The following CECR2 variants were observed in gnomAD, a reference collection of about 807,000 sequenced individuals.
CECR2 encodes the protein CECR2 histone acetyl-lysine reader.
CECR2 carries 30 observed loss-of-function variants against 154.5 expected under a neutral mutation model. The observed-to-expected ratio is 0.19, with a 90% confidence interval of 0.15 to 0.26. The LOEUF (loss-of-function observed/expected upper bound fraction) is 0.26, where lower values mean the gene tolerates loss of function less well. CECR2 is among the 10% of genes least tolerant of loss of function. The pLI is 1.00. For missense variants in CECR2, 1,743 were observed against 1,829.3 expected (o/e 0.95, Z 0.86); for synonymous variants, 725 against 683.7 (o/e 1.06, Z -0.94).
At chr22:17,419,146 TC>T (rs1569070086) in intron 1 of CECR2, 2 of 153,778 alleles carry the variant, frequency 1.3e-5, no homozygotes. Context: ...CGCCCACGCA[TC>T]CCTGGTGGCG....
chr22:17,532,839 T>C (rs2056379722), intron 9 of CECR2, among the ~76,000 whole-genome samples: 1 of 144,920 alleles, frequency 6.9e-6, no homozygotes, highest in African/African-American at 2.5e-5. Flanking sequence ...TGCCTCAGCC[T>C]CCAAAGTAGC....
At chr22:17,477,703 T>C in intron 2 of CECR2, 21 bp downstream of exon 2, 1 of 1,545,162 alleles carries the variant, frequency 6.5e-7, no homozygotes, top group Non-Finnish European at 8.9e-7. Context: ...CTGATCTTTC[T>C]AAGCATTTCT....
intron 1 of CECR2, among the ~76,000 whole-genome samples, chr22:17,387,493 A>G (rs906897815): frequency 2.0e-5 from 3 of 152,168 alleles, no homozygotes; most frequent in African/African-American, 7.2e-5. Flanking sequence ...AGACCCAGCC[A>G]TAGAGGAATT....
intron 16 of CECR2, 100 bp downstream of exon 16, chr22:17,543,103 C>T (rs2056557171): frequency 3.0e-6 from 4 of 1,313,902 alleles, no homozygotes; most frequent in African/African-American, 3.0e-5. Context: ...CCCAGCCTCT[C>T]TTTCTTTGTT....
chr22:17,515,700 G>C (rs2056039663), intron 8 of CECR2, among the ~76,000 whole-genome samples: 1 of 150,116 alleles, frequency 6.7e-6, no homozygotes, highest in Admixed American at 6.6e-5. Flanking sequence ...TTTTGAGACG[G>C]AGTCTCGCTC....
chr22:17,397,580 C>G (rs1240214989), intron 1 of CECR2, among the ~76,000 whole-genome samples: 2 of 152,178 alleles, frequency 1.3e-5, no homozygotes, highest in Admixed American at 6.6e-5. Flanking sequence ...TCACTGCCAT[C>G]TCCGCCTCCC....
intron 1 of CECR2, among the ~76,000 whole-genome samples, chr22:17,370,541 A>G (rs5992033): frequency 0.016 from 2,500 of 152,116 alleles, 91 homozygotes; most frequent in African/African-American, 0.057. Context: ...TTATTCTTCC[A>G]CAGCGTCCTT....
At chr22:17,501,757 T>C (rs2146886097) in intron 5 of CECR2, among the ~76,000 whole-genome samples, 1 of 152,300 alleles carries the variant, frequency 6.6e-6, no homozygotes, top group South Asian at 2.1e-4. Flanking sequence ...CGTCCTTCGA[T>C]ATTCAGAAAG....
intron 1 of CECR2, among the ~76,000 whole-genome samples, chr22:17,466,598 C>CCTTTTTTTTTTTTTTTTTTTT (rs555359003): frequency 7.1e-6 from 1 of 140,182 alleles, no homozygotes. Flanking sequence ...AAAACCTTGC[C>CCTTTTTTTTTTTTTTTTTTTT]TTTTTTTTTT....
rs1320302167 is a variant in CECR2, at chr22:17,552,045, C to T, written c.4292C>T (p.Pro1431Leu). The T allele has an allele frequency of 6.8e-6, 11 of 1,613,848 alleles. No homozygotes were observed. Among genetic ancestry groups the T allele is most frequent in the Admixed American group, 3.3e-5 (2 of 59,988 alleles). ...MYRPSGMQMH[P>L]VQSQASFPKT... is the part of the protein sequence containing the mutation. ...CGTGGCTGTAGAATGCAGATGCACC[C>T]GGTCCAGTCGCAGGCCTCGTTCCCA... The change falls in exon 18 of 19, where the codon CCG becomes CTG. Residue 1431 changes from proline to leucine, a missense_variant. Around this residue, in one of 4 missense-constraint regions of CECR2, gnomAD observed 1,250 missense variants for 1,192.1 expected, o/e 1.05. Coordinates refer to ENST00000262608, the MANE Select transcript of CECR2 (RefSeq NM_001290047.2).
intron 8 of CECR2, among the ~76,000 whole-genome samples, chr22:17,520,748 T>C (rs1384274473): frequency 6.6e-6 from 1 of 152,188 alleles, no homozygotes; most frequent in Non-Finnish European, 1.5e-5. Flanking sequence ...GCAAAGGACA[T>C]GAACTCGTCT....
intron 1 of CECR2, among the ~76,000 whole-genome samples, chr22:17,439,708 G>A (rs1047153477): frequency 3.3e-5 from 5 of 152,084 alleles, no homozygotes; most frequent in African/African-American, 1.2e-4. Context: ...ATAAATATAT[G>A]TACTCTCATT....
intron 1 of CECR2, among the ~76,000 whole-genome samples, chr22:17,457,278 C>T (rs1463935107): frequency 3.3e-5 from 5 of 152,244 alleles, no homozygotes; most frequent in Admixed American, 2.0e-4. Context: ...CCACCCGCCT[C>T]GGCCTCCCAA....
chr22:17,463,703 G>A (rs1157779337), intron 1 of CECR2, among the ~76,000 whole-genome samples: 2 of 152,026 alleles, frequency 1.3e-5, no homozygotes, highest in Non-Finnish European at 1.5e-5. Flanking sequence ...CATTGCTGAC[G>A]TCGGGGACGG....
intron 1 of CECR2, among the ~76,000 whole-genome samples, chr22:17,391,927 G>A (rs986316874): frequency 2.6e-5 from 4 of 152,014 alleles, no homozygotes; most frequent in African/African-American, 4.8e-5. Context: ...TCAGCTTCCC[G>A]AGTAACTGGG....
chr22:17,473,293 C>G (rs1255642337), intron 1 of CECR2, among the ~76,000 whole-genome samples: 1 of 152,096 alleles, frequency 6.6e-6, no homozygotes, highest in Admixed American at 6.5e-5. Context: ...GTGCTCACAG[C>G]TCAATGCTCA....
rs182530302 is a variant in CECR2 at position 17,397,412 on chromosome 22, A to G, written c.126+27503A>G. Among the ~76,000 whole-genome samples, 116 of 151,286 alleles carry G rather than the reference A, an allele frequency of 7.7e-4. 4 individuals are homozygous for G. Among genetic ancestry groups the G allele is most frequent in the African/African-American group, 2.7e-3 (110 of 41,232 alleles). On this transcript the variant is annotated intron_variant, in intron 1 of 18. Transcript: ENST00000262608. ...CTCCCAAAGGGCTGGGATTACAGGCATGAGCCACTGCATCCAGCCTTGAGC... is the reference window on the plus strand; with the variant it reads ...CTCCCAAAGGGCTGGGATTACAGGCGTGAGCCACTGCATCCAGCCTTGAGC...
chr22:17,421,850 T>TAA (rs35949878), intron 1 of CECR2, among the ~76,000 whole-genome samples: 66 of 138,290 alleles, frequency 4.8e-4, no homozygotes, highest in East Asian at 1.2e-3. Context: ...GCATCTCTAC[T>TAA]AAAAAAAAAA....
rs749069125 is a variant in CECR2, at chr22:17,524,187, C to T, written c.1024C>T (p.Leu342=). Residue 342 remains leucine (L), a synonymous_variant, in exon 9 of 19, where the codon CTA becomes TTA. Coordinates refer to ENST00000262608, the MANE Select transcript of CECR2 (RefSeq NM_001290047.2). ...KEEEEERQIL[L]AVQKKEQEQM... ...GGAGGAAGAAGAGCGTCAGATTCTT[C>T]TAGCAGTGCAGAAGAAGGAGCAGGA... 1 of 1,608,372 alleles carries T rather than the reference C, an allele frequency of 6.2e-7. No homozygotes were observed. Among genetic ancestry groups the T allele is most frequent in the Admixed American group, 1.7e-5 (1 of 59,068 alleles).
Sources: gnomAD v4.1 joint callset for allele counts (sites outside exome capture counted in the v4.1 genomes callset) on GRCh38, gnomAD v4.1.1 for gene constraint, gnomAD v4.1.1 regional missense constraint, MANE v1.5 for transcripts, NCBI Gene and HGNC (gene_info 2026-07-23, HGNC 2026-07-21) for gene names.